The following WNT7A variants were observed in gnomAD, a reference collection of about 807,000 sequenced individuals.
The protein encoded by WNT7A is protein Wnt-7a.
In WNT7A, 16 loss-of-function variants were observed where a neutral mutation model predicts 28.2. That is an observed-to-expected ratio of 0.57 (90% CI 0.38 to 0.86). The LOEUF (loss-of-function observed/expected upper bound fraction) is 0.86, where lower values mean the gene tolerates loss of function less well. Ranked by LOEUF, WNT7A falls within the 40% of genes least tolerant of loss-of-function variation. The probability of loss-of-function intolerance (pLI) is 0.00; values close to 1 mark genes in which losing one functional copy is unlikely to be tolerated. For missense variants in WNT7A, 411 were observed against 489.7 expected (o/e 0.84, Z 1.52); for synonymous variants, 190 against 195.9 (o/e 0.97, Z 0.25).
intron 3 of WNT7A, among the ~76,000 whole-genome samples, chr3:13,829,517 G>T (rs557657177): frequency 1.5e-4 from 23 of 152,306 alleles, no homozygotes; most frequent in Non-Finnish European, 2.8e-4. Context: ...GGATGAGTGC[G>T]CACAGGGCTA....
At chr3:13,843,859 G>A (rs1320218930) in intron 3 of WNT7A, among the ~76,000 whole-genome samples, 1 of 151,560 alleles carries the variant, frequency 6.6e-6, no homozygotes, top group Non-Finnish European at 1.5e-5. Flanking sequence ...TGATTCTTCT[G>A]CCTCAGCCTC....
intron 2 of WNT7A, among the ~76,000 whole-genome samples, chr3:13,874,341 T>G (rs1019760422): frequency 6.6e-6 from 1 of 152,166 alleles, no homozygotes; most frequent in African/African-American, 2.4e-5. Context: ...GCTTCAGAAG[T>G]CAAATGTGTG....
intron 2 of WNT7A, among the ~76,000 whole-genome samples, chr3:13,869,167 A>C (rs1264090086): frequency 6.8e-6 from 1 of 148,056 alleles, no homozygotes; most frequent in African/African-American, 2.5e-5. Context: ...GAAGGACGGA[A>C]AAGAGAGAAT....
intron 3 of WNT7A, among the ~76,000 whole-genome samples, chr3:13,843,261 T>C (rs1158166320): frequency 1.3e-5 from 2 of 152,220 alleles, no homozygotes; most frequent in African/African-American, 2.4e-5. Context: ...CTAACAATGA[T>C]ATTCATAACA....
At chr3:13,849,239 C>T (rs1211820994) in intron 3 of WNT7A, among the ~76,000 whole-genome samples, 1 of 152,208 alleles carries the variant, frequency 6.6e-6, no homozygotes, top group South Asian at 2.1e-4. Context: ...GCAAAGGGTA[C>T]ACAAGATCTC....
At chr3:13,869,352 G>A (rs1444918626) in intron 2 of WNT7A, among the ~76,000 whole-genome samples, 2 of 113,492 alleles carry the variant, frequency 1.8e-5, no homozygotes, top group Admixed American at 1.8e-4. Flanking sequence ...AGGAAGGAAG[G>A]AAAAGAGAGA....
chr3:13,870,806 C>A (rs148535774), intron 2 of WNT7A, among the ~76,000 whole-genome samples: 1 of 152,238 alleles, frequency 6.6e-6, no homozygotes, highest in Non-Finnish European at 1.5e-5. Context: ...CGGATGCCAA[C>A]GCTACCTCTG....
At chr3:13,824,177 A>C (rs530927847) in intron 3 of WNT7A, among the ~76,000 whole-genome samples, 1 of 152,336 alleles carries the variant, frequency 6.6e-6, no homozygotes, top group Non-Finnish European at 1.5e-5. Context: ...TTGTACCACT[A>C]TCATTACAAT....
intron 3 of WNT7A, among the ~76,000 whole-genome samples, chr3:13,841,360 A>G (rs1402945417): frequency 1.3e-5 from 2 of 152,264 alleles, no homozygotes; most frequent in Non-Finnish European, 2.9e-5. Flanking sequence ...AAGTGGATGA[A>G]TACACAAAAG....
intron 2 of WNT7A, among the ~76,000 whole-genome samples, chr3:13,857,099 G>A (rs1393741742): frequency 2.0e-5 from 3 of 152,134 alleles, no homozygotes; most frequent in Non-Finnish European, 4.4e-5. Flanking sequence ...GAACAGGCTC[G>A]ATTTCTGGTC....
chr3:13,858,571 C>G (rs565344309), intron 2 of WNT7A, among the ~76,000 whole-genome samples: 2 of 152,138 alleles, frequency 1.3e-5, no homozygotes, highest in Non-Finnish European at 2.9e-5. Flanking sequence ...CACATTTCAC[C>G]CCCCCGAGCT....
At chr3:13,878,211 G>A (rs1695141940) in intron 1 of WNT7A, among the ~76,000 whole-genome samples, 2 of 152,108 alleles carry the variant, frequency 1.3e-5, no homozygotes, top group African/African-American at 4.8e-5. Flanking sequence ...GCGGGCGGGC[G>A]GGGCGGCCAG....
rs779899090 is a variant in WNT7A at position 13,818,980 on chromosome 3, C to T, written c.1014G>A (p.Thr338=). 11 of 1,600,468 alleles carry T rather than the reference C, an allele frequency of 6.9e-6. No homozygotes were observed. Among genetic ancestry groups the T allele is most frequent in the Admixed American group, 1.7e-5 (1 of 59,628 alleles). ...TGTACATCTCCGTGCGCTCGCTGCA[C>T]GTGTTGCACTTGACATAGCAGCACC... ...FHWCCYVKCN[T]CSERTEMYTC... is the part of the protein sequence containing the mutation. Residue 338 remains threonine (T), a synonymous_variant, in exon 4 of 4, where the codon ACG becomes ACA. Coordinates refer to ENST00000285018, the MANE Select transcript of WNT7A (RefSeq NM_004625.4).
Position 13,866,776 on chromosome 3 carries a change from T to A in WNT7A, c.298+8171A>T, listed in dbSNP as rs118170718. The stretch of plus-strand genomic sequence containing the variant: ...ACAACAGGAAACCGCGGGAGGGTTT[T>A]ACACAGCAGGATGCCACACGGAGCA... On this transcript the variant is annotated intron_variant, in intron 2 of 3. Coordinates refer to ENST00000285018, the MANE Select transcript of WNT7A (RefSeq NM_004625.4). Among the ~76,000 whole-genome samples, 26 of 152,172 alleles carry A rather than the reference T, an allele frequency of 1.7e-4. No individual in the cohort carries two copies. In the East Asian group the frequency reaches 5.0e-3, roughly 29 times the overall value.
At chr3:13,830,951 C>T (rs1249339671) in intron 3 of WNT7A, among the ~76,000 whole-genome samples, 1 of 152,178 alleles carries the variant, frequency 6.6e-6, no homozygotes, top group African/African-American at 2.4e-5. Flanking sequence ...ATGACATGGG[C>T]TCAATGGAAC....
intron 1 of WNT7A, 95 bp from the exon 2 acceptor site, chr3:13,875,268 G>A: frequency 7.6e-7 from 1 of 1,308,592 alleles, no homozygotes; most frequent in Non-Finnish European, 1.1e-6. Context: ...CCACCCCACT[G>A]CCCCCAGCAG....
chr3:13,878,168 G>T (rs770548569), intron 1 of WNT7A, among the ~76,000 whole-genome samples: 1 of 152,150 alleles, frequency 6.6e-6, no homozygotes, highest in South Asian at 2.1e-4. Context: ...GGGCCAATCC[G>T]GGGAGGCCGC....
chr3:13,879,383 G>A (rs1695170202), intron 1 of WNT7A, among the ~76,000 whole-genome samples: 6 of 152,138 alleles, frequency 3.9e-5, no homozygotes. Flanking sequence ...GTCCTGGCTT[G>A]ATGTTCCTGC....
chr3:13,857,639 G>A (rs541064276), intron 2 of WNT7A, among the ~76,000 whole-genome samples: 1 of 152,176 alleles, frequency 6.6e-6, no homozygotes, highest in Admixed American at 6.5e-5. Flanking sequence ...GTGATTCCCC[G>A]AGAGCCTAGA....
Sources: allele counts gnomAD v4.1 joint callset (sites outside exome capture counted in the v4.1 genomes callset), GRCh38; gene constraint gnomAD v4.1.1; transcripts MANE v1.5; gene names NCBI Gene and HGNC (gene_info 2026-07-23, HGNC 2026-07-21).